Variants in ITGA9 observed in about 807,000 individuals in gnomAD.
ITGA9 encodes integrin subunit alpha 9.
In ITGA9, 56 loss-of-function variants were observed where a neutral mutation model predicts 127.8. That is an observed-to-expected ratio of 0.44 (90% CI 0.35 to 0.55). ITGA9 has a LOEUF of 0.55. ITGA9 is among the 20% of genes least tolerant of loss of function. The pLI is 0.00. For missense variants in ITGA9, 1,196 were observed against 1,347.1 expected (o/e 0.89, Z 1.76); for synonymous variants, 508 against 514.5 (o/e 0.99, Z 0.17).
At chr3:37,621,944 C>T (rs2154762) in intron 15 of ITGA9, among the ~76,000 whole-genome samples, 2 of 151,866 alleles carry the variant, frequency 1.3e-5, no homozygotes, top group Non-Finnish European at 2.9e-5. Flanking sequence ...TTGAATTCAC[C>T]TGGTTTTTGG....
intron 15 of ITGA9, among the ~76,000 whole-genome samples, chr3:37,604,008 C>G (rs1025836123): frequency 3.9e-5 from 6 of 152,222 alleles, no homozygotes; most frequent in African/African-American, 1.4e-4. Context: ...TATGATGGAA[C>G]TGAAAAGCAG....
chr3:37,525,887 A>G (rs1383245140), intron 12 of ITGA9, 139 bp from the exon 13 acceptor site: 1 of 742,056 alleles, frequency 1.3e-6, no homozygotes, highest in African/African-American at 1.7e-5. Context: ...TTACAAGATC[A>G]TTGTATAGCC....
chr3:37,679,006 T>C (rs1484968309), intron 17 of ITGA9, among the ~76,000 whole-genome samples: 1 of 152,240 alleles, frequency 6.6e-6, no homozygotes, highest in Non-Finnish European at 1.5e-5. Context: ...AGCCAGCTGC[T>C]ATAAGATATA....
At chr3:37,554,220 C>T (rs1699407588) in intron 15 of ITGA9, among the ~76,000 whole-genome samples, 1 of 151,936 alleles carries the variant, frequency 6.6e-6, no homozygotes, top group East Asian at 1.9e-4. Context: ...GGAGTGCAGG[C>T]ATGGGGTTAT....
chr3:37,723,845 T>C (rs1409012921), intron 18 of ITGA9, among the ~76,000 whole-genome samples: 1 of 152,218 alleles, frequency 6.6e-6, no homozygotes, highest in African/African-American at 2.4e-5. Flanking sequence ...TCTCAAAATG[T>C]AAAATTCTTC....
chr3:37,501,057 ATTTATCTT>A (rs777775832), intron 5 of ITGA9, among the ~76,000 whole-genome samples: 1 of 152,108 alleles, frequency 6.6e-6, no homozygotes, highest in Non-Finnish European at 1.5e-5. Flanking sequence ...AAGGGACTTT[ATTTATCTT>A]TATATCTAGT....
chr3:37,460,611 A>G (rs919507989), intron 1 of ITGA9, among the ~76,000 whole-genome samples: 5 of 115,528 alleles, frequency 4.3e-5, no homozygotes, highest in African/African-American at 1.7e-4. Context: ...TTTTTTTGAG[A>G]TGGAGTCTTG....
Position 37,494,497 on chromosome 3 carries a change from C to T in ITGA9, c.545-4C>T, listed in dbSNP as rs1185424491. 1 of 1,608,248 alleles carries T rather than the reference C, an allele frequency of 6.2e-7. No individual in the cohort carries two copies. The highest frequency in any genetic ancestry group is 1.7e-5 in the Admixed American group (1 of 59,954). ...TTTGCTTCTCTCTCCTTCCTTCCCC[C>T]TAGAGTATAAGAAGAAGTACGGAGA... On this transcript the variant is annotated splice_polypyrimidine_tract_variant and splice_region_variant and intron_variant, in intron 4 of 27. Transcript: ENST00000264741.
chr3:37,599,402 G>A (rs1353770987), intron 15 of ITGA9, among the ~76,000 whole-genome samples: 3 of 152,210 alleles, frequency 2.0e-5, no homozygotes, highest in South Asian at 2.1e-4. Flanking sequence ...TCATCATCCA[G>A]CAGGCTGGCC....
At chr3:37,783,093 C>T (rs1043664162) in intron 25 of ITGA9, among the ~76,000 whole-genome samples, 5 of 151,842 alleles carry the variant, frequency 3.3e-5, no homozygotes, top group Middle Eastern at 3.4e-3. Context: ...GAGCCAAGAT[C>T]GTGCCATTGC....
intron 18 of ITGA9, among the ~76,000 whole-genome samples, chr3:37,705,028 AGG>A (rs1271964731): frequency 1.3e-5 from 2 of 152,196 alleles, no homozygotes; most frequent in African/African-American, 4.8e-5. Flanking sequence ...AGAGGTCTAA[AGG>A]TGTTAGTTCC....
chr3:37,700,143 C>T (rs984296707), intron 18 of ITGA9, among the ~76,000 whole-genome samples: 5 of 151,926 alleles, frequency 3.3e-5, no homozygotes, highest in African/African-American at 1.2e-4. Context: ...CTACCATGCT[C>T]AGCTAATTTT....
intron 15 of ITGA9, among the ~76,000 whole-genome samples, chr3:37,624,119 A>G (rs994929196): frequency 6.6e-5 from 10 of 151,826 alleles, no homozygotes; most frequent in African/African-American, 2.4e-4. Flanking sequence ...TTTATTTACA[A>G]ATTTAAAGTG....
chr3:37,744,809 A>G (rs80267371), intron 22 of ITGA9, among the ~76,000 whole-genome samples: 2,827 of 152,346 alleles, frequency 0.019, 79 homozygotes, highest in African/African-American at 0.064. Context: ...TAGACAATGA[A>G]ATTTGAATTT....
chr3:37,500,450 G>A (rs1283430721), intron 5 of ITGA9, among the ~76,000 whole-genome samples: 3 of 152,130 alleles, frequency 2.0e-5, no homozygotes, highest in Admixed American at 6.5e-5. Context: ...AAGCCTTTCC[G>A]GCGAGAATCT....
chr3:37,481,938 A>G (rs2125559048), intron 4 of ITGA9, among the ~76,000 whole-genome samples: 1 of 152,320 alleles, frequency 6.6e-6, no homozygotes, highest in African/African-American at 2.4e-5. Flanking sequence ...GTTTTCTGGT[A>G]ATGCCAGGTG....
At chr3:37,780,329 G>A (rs945607772) in intron 25 of ITGA9, among the ~76,000 whole-genome samples, 1 of 152,086 alleles carries the variant, frequency 6.6e-6, no homozygotes, top group Admixed American at 6.5e-5. Context: ...ACATTTTGGA[G>A]TCTCCAATGT....
intron 13 of ITGA9, among the ~76,000 whole-genome samples, chr3:37,532,758 A>G (rs1038642121): frequency 6.6e-6 from 1 of 152,190 alleles, no homozygotes; most frequent in African/African-American, 2.4e-5. Context: ...GCACTTTGCT[A>G]TTACCAGCTG....
chr3:37,547,185 AAAAAC>A (rs1015747062), intron 15 of ITGA9, among the ~76,000 whole-genome samples: 3 of 152,178 alleles, frequency 2.0e-5, no homozygotes, highest in Non-Finnish European at 2.9e-5. Flanking sequence ...TATTATTGTT[AAAAAC>A]AAAACAAAAC....
Sources: gnomAD v4.1 joint callset for allele counts (sites outside exome capture counted in the v4.1 genomes callset) on GRCh38, gnomAD v4.1.1 for gene constraint, MANE v1.5 for transcripts, NCBI Gene and HGNC (gene_info 2026-07-23, HGNC 2026-07-21) for gene names.